CNTNAP2: variants seen among roughly 807,000 people sequenced by gnomAD.
CNTNAP2 encodes contactin associated protein 2.
CNTNAP2 carries 98 observed loss-of-function variants against 155.2 expected under a neutral mutation model. The ratio of observed to expected loss-of-function variants is 0.63; its 90% CI spans 0.54 to 0.75. The LOEUF (loss-of-function observed/expected upper bound fraction) is 0.75, where lower values mean the gene tolerates loss of function less well. Among genes scored for constraint, CNTNAP2 ranks in the 30% least tolerant of loss-of-function variants. The pLI is 0.00. For synonymous variants in CNTNAP2, 651 were observed against 631.2 expected (o/e 1.03, Z -0.47); for missense variants, 1,727 against 1,688.1 (o/e 1.02, Z -0.40).
intron 10 of CNTNAP2, among the ~76,000 whole-genome samples, chr7:147,467,034 T>C (rs1473186827): frequency 1.3e-5 from 2 of 152,244 alleles, no homozygotes; most frequent in Non-Finnish European, 1.5e-5. Flanking sequence ...GTCTCCTTAT[T>C]TTTCAGAATA....
chr7:147,245,690 G>A (rs577147817), intron 8 of CNTNAP2, among the ~76,000 whole-genome samples: 7 of 147,064 alleles, frequency 4.8e-5, no homozygotes, highest in East Asian at 2.0e-4. Flanking sequence ...AAAAGTTAGC[G>A]TGGCATGTTG....
At chr7:148,161,490 G>A (rs536809412) in intron 17 of CNTNAP2, among the ~76,000 whole-genome samples, 1 of 152,128 alleles carries the variant, frequency 6.6e-6, no homozygotes, top group African/African-American at 2.4e-5. Context: ...CAAACCTCTG[G>A]CATTGTCATC....
intron 12 of CNTNAP2, among the ~76,000 whole-genome samples, chr7:147,585,403 T>C (rs950189115): frequency 2.0e-5 from 3 of 149,772 alleles, no homozygotes; most frequent in Admixed American, 1.3e-4. Flanking sequence ...TATATGTATA[T>C]TTGATATAAA....
intron 1 of CNTNAP2, among the ~76,000 whole-genome samples, chr7:146,300,280 G>A (rs1023077308): frequency 3.9e-5 from 6 of 152,086 alleles, no homozygotes; most frequent in Non-Finnish European, 7.4e-5. Flanking sequence ...AAATTAAATC[G>A]TGTCCTTAAC....
intron 1 of CNTNAP2, among the ~76,000 whole-genome samples, chr7:146,611,195 C>T (rs917699029): frequency 3.9e-5 from 6 of 152,172 alleles, no homozygotes; most frequent in Admixed American, 3.9e-4. Context: ...GCCTCTGCTT[C>T]CCTTGCTCAG....
Position 146,306,163 on chromosome 7 carries a change from C to T in CNTNAP2, c.97+189190C>T, listed in dbSNP as rs1304232881. Among the ~76,000 whole-genome samples the T allele has an allele frequency of 3.9e-5, 6 of 152,166 alleles. No individual in the cohort carries two copies. The South Asian group carries it at 8.3e-4, about 21-fold the overall frequency. Reference sequence around the variant, plus strand: ...AAAATCTAAAAGAAATGGATAAATTCCTGCACACATACACCCTCCCAGGAC... The same window carrying T: ...AAAATCTAAAAGAAATGGATAAATTTCTGCACACATACACCCTCCCAGGAC... On this transcript the variant is annotated intron_variant, in intron 1 of 23. Coordinates refer to ENST00000361727, the MANE Select transcript of CNTNAP2 (RefSeq NM_014141.6).
At chr7:147,608,840 T>C (rs576475964) in intron 12 of CNTNAP2, among the ~76,000 whole-genome samples, 1 of 151,700 alleles carries the variant, frequency 6.6e-6, no homozygotes, top group Non-Finnish European at 1.5e-5. Context: ...GTGGGGCCGT[T>C]TTATAGGATT....
chr7:146,594,940 T>A (rs571617773), intron 1 of CNTNAP2, among the ~76,000 whole-genome samples: 3 of 152,220 alleles, frequency 2.0e-5, no homozygotes, highest in Non-Finnish European at 4.4e-5. Context: ...GGAAGAGGTG[T>A]GTAGTGACAC....
At chr7:148,062,321 A>T (rs1391192738) in intron 15 of CNTNAP2, among the ~76,000 whole-genome samples, 3 of 152,174 alleles carry the variant, frequency 2.0e-5, no homozygotes, top group African/African-American at 7.2e-5. Context: ...GAATTATGGC[A>T]AGCGATTCAT....
At chr7:146,203,471 G>A (rs1798898691) in intron 1 of CNTNAP2, among the ~76,000 whole-genome samples, 1 of 152,132 alleles carries the variant, frequency 6.6e-6, no homozygotes, top group African/African-American at 2.4e-5. Flanking sequence ...GGCAGGGAAG[G>A]GGATGAGTGT....
chr7:146,499,622 T>C (rs1216246763), intron 1 of CNTNAP2, among the ~76,000 whole-genome samples: 1 of 152,036 alleles, frequency 6.6e-6, no homozygotes, highest in Admixed American at 6.6e-5. Flanking sequence ...CCCTAGTGTG[T>C]GATCTTCCCC....
At position 147,478,118 on chromosome 7, in the gene CNTNAP2, T is replaced by C. The variant is rs370922644; in HGVS notation, c.1671-7817T>C. Among the ~76,000 whole-genome samples the C allele has an allele frequency of 2.0e-4, 30 of 152,182 alleles. 2 individuals are homozygous for C. The highest frequency in any genetic ancestry group is 7.2e-4 in the African/African-American group (30 of 41,546). Reference sequence around the variant, plus strand: ...CTGCAGTCCTATTTTAGTTAGGATATGTATATTTGTTGTTTTTTTCTTTTT... The same window carrying C: ...CTGCAGTCCTATTTTAGTTAGGATACGTATATTTGTTGTTTTTTTCTTTTT... On this transcript the variant is annotated intron_variant, in intron 10 of 23. Coordinates refer to ENST00000361727, the MANE Select transcript of CNTNAP2 (RefSeq NM_014141.6).
chr7:146,259,636 A>G (rs960253972), intron 1 of CNTNAP2, among the ~76,000 whole-genome samples: 2 of 152,182 alleles, frequency 1.3e-5, no homozygotes, highest in African/African-American at 4.8e-5. Context: ...CTGGTGGAAG[A>G]AATTTCTAAG....
At chr7:147,612,716 T>G (rs1801211229) in intron 12 of CNTNAP2, among the ~76,000 whole-genome samples, 2 of 152,180 alleles carry the variant, frequency 1.3e-5, no homozygotes, top group Non-Finnish European at 2.9e-5. Flanking sequence ...TATGTCATTT[T>G]CTAATTCTAC....
intron 1 of CNTNAP2, among the ~76,000 whole-genome samples, chr7:146,344,210 A>T (rs1035165442): frequency 6.6e-6 from 1 of 152,196 alleles, no homozygotes; most frequent in African/African-American, 2.4e-5. Context: ...AAATCAGCAT[A>T]GCCAGAGACC....
At chr7:147,972,548 C>T (rs1396353360) in intron 14 of CNTNAP2, among the ~76,000 whole-genome samples, 1 of 151,992 alleles carries the variant, frequency 6.6e-6, no homozygotes, top group East Asian at 1.9e-4. Flanking sequence ...TTCAGAAAAA[C>T]AATACTGAAG....
intron 13 of CNTNAP2, among the ~76,000 whole-genome samples, chr7:147,729,541 A>T (rs1468746549): frequency 1.6e-5 from 2 of 126,734 alleles, no homozygotes; most frequent in African/African-American, 5.1e-5. Context: ...AGAATTAGGT[A>T]AAAAGGTATT....
At chr7:148,387,567 T>C (rs1264066269) in intron 22 of CNTNAP2, among the ~76,000 whole-genome samples, 2 of 152,170 alleles carry the variant, frequency 1.3e-5, no homozygotes, top group Non-Finnish European at 2.9e-5. Context: ...ATGGGTCTCC[T>C]GGAAGCTTTT....
chr7:146,201,574 A>T (rs1798860805), intron 1 of CNTNAP2, among the ~76,000 whole-genome samples: 1 of 152,078 alleles, frequency 6.6e-6, no homozygotes, highest in African/African-American at 2.4e-5. Context: ...AAAGAAGAGG[A>T]TCAATATATC....
Sources: gnomAD v4.1 joint callset for allele counts (sites outside exome capture counted in the v4.1 genomes callset) on GRCh38, gnomAD v4.1.1 for gene constraint, MANE v1.5 for transcripts, NCBI Gene and HGNC (gene_info 2026-07-23, HGNC 2026-07-21) for gene names.